EDA: variants seen among roughly 807,000 people sequenced by gnomAD.
EDA encodes ectodysplasin-A.
In EDA, 2 loss-of-function variants were observed where a neutral mutation model predicts 23.6. The ratio of observed to expected loss-of-function variants is 0.08; its 90% CI spans 0.03 to 0.27. The LOEUF is 0.27. Among genes scored for constraint, EDA ranks in the 10% least tolerant of loss-of-function variants. The pLI is 1.00. For missense variants in EDA, 229 were observed against 324.2 expected, an observed-to-expected ratio of 0.71 and a Z score of 2.26; for synonymous variants, 131 against 132.0, an observed-to-expected ratio of 0.99 and a Z score of 0.05.
At chrX:69,783,261 A>AT (rs369788825) in intron 1 of EDA, among the ~76,000 whole-genome samples, 35 of 107,845 alleles carry the variant, frequency 3.2e-4, no homozygotes, top group Middle Eastern at 4.8e-3. Context: ...GACAGAAGAG[A>AT]TTTTTTTTTT....
intron 1 of EDA, among the ~76,000 whole-genome samples, chrX:69,763,440 T>C (rs2014371991): frequency 8.9e-6 from 1 of 112,220 alleles, no homozygotes; most frequent in Non-Finnish European, 1.9e-5. Context: ...GCAAATGGTA[T>C]GCTCTCTAAA....
At chrX:69,792,126 C>G (rs954237231) in intron 1 of EDA, among the ~76,000 whole-genome samples, 5 of 110,558 alleles carry the variant, frequency 4.5e-5, no homozygotes, top group Admixed American at 9.7e-5. Flanking sequence ...AACCATTCCC[C>G]CACTGAGTCC....
At chrX:69,980,139 C>G (rs1193870389) in intron 2 of EDA, among the ~76,000 whole-genome samples, 1 of 111,214 alleles carries the variant, frequency 9.0e-6, no homozygotes, top group East Asian at 2.8e-4. Context: ...GTCTGCCTAG[C>G]TTTGCCATCT....
chrX:69,773,651 T>A, intron 1 of EDA, among the ~76,000 whole-genome samples: 1 of 111,957 alleles, frequency 8.9e-6, no homozygotes, highest in Non-Finnish European at 1.9e-5. Flanking sequence ...TATTGTGGTT[T>A]TTATTTGCAT....
Position 70,035,619 on chromosome X carries a change from A to G in EDA, c.*10A>G, listed in dbSNP as rs372860311. The G allele has an allele frequency of 8.3e-7, 1 of 1,201,299 alleles. No homozygotes were observed. Among genetic ancestry groups the G allele is most frequent in the Non-Finnish European group, 1.1e-6 (1 of 892,977 alleles). The stretch of plus-strand genomic sequence containing the variant: ...AGCCCCTGCATCCTAGATTCCCCCC[A>G]TTTTGCCTCTGTCCGTGCCCCTTCC... On this transcript the variant is annotated 3_prime_UTR_variant, in exon 8 of 8. Transcript: ENST00000374552.
chrX:69,778,239 A>T (rs777446123), intron 1 of EDA, among the ~76,000 whole-genome samples: 1 of 111,878 alleles, frequency 8.9e-6, no homozygotes, highest in African/African-American at 3.2e-5. Flanking sequence ...GACCCCTACA[A>T]ATAGTTGAGA....
chrX:69,697,540 G>T (rs1459923820), intron 1 of EDA, among the ~76,000 whole-genome samples: 2 of 111,886 alleles, frequency 1.8e-5, no homozygotes, highest in East Asian at 5.6e-4. Flanking sequence ...TTAATTTTTG[G>T]GTTATTCTTG....
chrX:69,980,510 G>T (rs935433576), intron 2 of EDA, among the ~76,000 whole-genome samples: 1 of 112,094 alleles, frequency 8.9e-6, no homozygotes, highest in African/African-American at 3.2e-5. Flanking sequence ...ATAACAATGT[G>T]CCAGAATAAT....
intron 1 of EDA, among the ~76,000 whole-genome samples, chrX:69,757,499 G>A (rs1175608688): frequency 8.9e-6 from 1 of 112,160 alleles, no homozygotes; most frequent in Non-Finnish European, 1.9e-5. Context: ...GGAAGTAAAA[G>A]TTATCATCTG....
At chrX:70,032,249 T>A (rs2020209686) in intron 6 of EDA, among the ~76,000 whole-genome samples, 1 of 100,601 alleles carries the variant, frequency 9.9e-6, no homozygotes, top group African/African-American at 3.7e-5. Flanking sequence ...ACAGAGTGAG[T>A]GACAGTCCAT....
intron 1 of EDA, chrX:69,617,641 C>A: frequency 3.4e-6 from 1 of 290,209 alleles, no homozygotes; most frequent in South Asian, 3.3e-5. Flanking sequence ...AACGTAAATA[C>A]TGTCTTGGTT....
chrX:69,769,787 A>G (rs2014574968), intron 1 of EDA, among the ~76,000 whole-genome samples: 1 of 110,704 alleles, frequency 9.0e-6, no homozygotes, highest in African/African-American at 3.3e-5. Flanking sequence ...CCATATTTTC[A>G]TCTGATGTCA....
At chrX:69,652,448 G>C (rs1418475197) in intron 1 of EDA, among the ~76,000 whole-genome samples, 1 of 111,696 alleles carries the variant, frequency 9.0e-6, no homozygotes, top group East Asian at 2.8e-4. Flanking sequence ...ATTAGAAACG[G>C]TAAAGGGATC....
chrX:69,892,631 AGTTT>A (rs1254405204), intron 1 of EDA, among the ~76,000 whole-genome samples: 1 of 112,425 alleles, frequency 8.9e-6, no homozygotes, highest in East Asian at 2.8e-4. Context: ...TCACAAATTT[AGTTT>A]GTTTGACAGT....
At chrX:69,626,449 C>A (rs1932389843) in intron 1 of EDA, among the ~76,000 whole-genome samples, 2 of 111,746 alleles carry the variant, frequency 1.8e-5, no homozygotes, top group Admixed American at 1.9e-4. Flanking sequence ...CTATACAATG[C>A]AATATTTTTC....
At chrX:69,897,487 T>C (rs1477035303) in intron 1 of EDA, among the ~76,000 whole-genome samples, 1 of 112,286 alleles carries the variant, frequency 8.9e-6, no homozygotes, top group Non-Finnish European at 1.9e-5. Context: ...TTAGGTGTAC[T>C]CTTCCATTTA....
intron 1 of EDA, among the ~76,000 whole-genome samples, chrX:69,700,133 G>A (rs1309912689): frequency 9.0e-6 from 1 of 110,758 alleles, no homozygotes; most frequent in Non-Finnish European, 1.9e-5. Flanking sequence ...TGAAAAGAGG[G>A]ATAGTATGGG....
chrX:69,933,385 T>C (rs891479049), intron 1 of EDA, among the ~76,000 whole-genome samples: 2 of 112,101 alleles, frequency 1.8e-5, no homozygotes, highest in Admixed American at 1.9e-4. Context: ...TTCTCTAATT[T>C]CTTAAAGATG....
At chrX:69,657,286 C>G (rs1933350063) in intron 1 of EDA, among the ~76,000 whole-genome samples, 2 of 112,048 alleles carry the variant, frequency 1.8e-5, no homozygotes, top group South Asian at 7.3e-4. Context: ...TTGGCTACTT[C>G]TTTTGAGAAG....
Sources: allele counts gnomAD v4.1 joint callset (sites outside exome capture counted in the v4.1 genomes callset), GRCh38; gene constraint gnomAD v4.1.1; transcripts MANE v1.5; gene names NCBI Gene and HGNC (gene_info 2026-07-23, HGNC 2026-07-21).